The following SULT6B1 variants were observed in gnomAD, a reference collection of about 807,000 sequenced individuals.
The protein encoded by SULT6B1 is sulfotransferase 6B1.
Under a neutral mutation model 37.2 loss-of-function variants are expected in SULT6B1, and 44 were observed. The observed-to-expected ratio is 1.18, with a 90% confidence interval of 0.93 to 1.52. SULT6B1 has a LOEUF of 1.52. SULT6B1 is among the 40% of genes most tolerant of loss of function. The probability of loss-of-function intolerance (pLI) is 0.00; values close to 1 mark genes in which losing one functional copy is unlikely to be tolerated. For synonymous variants in SULT6B1, 140 were observed against 126.0 expected (o/e 1.11, Z -0.74); for missense variants, 450 against 361.0 (o/e 1.25, Z -2.00).
chr2:37,179,893 T>C (rs2111629), intron 3 of SULT6B1, among the ~76,000 whole-genome samples: 3,526 of 152,262 alleles, frequency 0.023, 64 homozygotes, highest in Middle Eastern at 0.054. Flanking sequence ...CACAAGAGTA[T>C]GACCTGAAAG....
At chr2:37,181,196 C>G (rs2148293541) in intron 3 of SULT6B1, among the ~76,000 whole-genome samples, 1 of 152,270 alleles carries the variant, frequency 6.6e-6, no homozygotes, top group African/African-American at 2.4e-5. Context: ...CTTCCCTCCC[C>G]CTAGTCCAAA....
At chr2:37,182,174 A>G (rs1372551176) in intron 3 of SULT6B1, among the ~76,000 whole-genome samples, 1 of 151,912 alleles carries the variant, frequency 6.6e-6, no homozygotes, top group Admixed American at 6.6e-5. Context: ...AGTCATCTTA[A>G]CAGTTTTCCT....
In SULT6B1 at chr2:37,188,434, T is replaced by C. The variant is rs748804390; in HGVS notation, c.199+8A>G. 4 of 1,611,448 alleles carry C rather than the reference T, an allele frequency of 2.5e-6. No individual in the cohort carries two copies. In the Admixed American group the frequency reaches 5.0e-5, roughly 20 times the overall value. ...AAGTGTACTTGTAGGAAACGACTTG[T>C]CATTTACCGCACTTTGGATAAGATG... On this transcript the variant is annotated splice_region_variant and intron_variant, in intron 1 of 6. Coordinates refer to ENST00000535679, the MANE Select transcript of SULT6B1 (RefSeq NM_001367551.1).
chr2:37,190,681 C>A (rs1676763464), upstream of SULT6B1, among the ~76,000 whole-genome samples: 1 of 152,102 alleles, frequency 6.6e-6, no homozygotes, highest in Non-Finnish European at 1.5e-5. Flanking sequence ...TTCTAAAGTA[C>A]CACCTTAAAT....
intron 3 of SULT6B1, among the ~76,000 whole-genome samples, chr2:37,180,399 A>C (rs1323644769): frequency 3.3e-5 from 5 of 152,252 alleles, no homozygotes; most frequent in Admixed American, 3.3e-4. Context: ...GAATTGACTA[A>C]AAACAAGATT....
chr2:37,179,614 TG>T (rs1349733030), intron 3 of SULT6B1, 30 bp from the exon 4 acceptor site: 2 of 1,603,888 alleles, frequency 1.2e-6, no homozygotes, highest in Non-Finnish European at 1.7e-6. Flanking sequence ...TTAATTTATT[TG>T]GGTCTATGTT....
chr2:37,187,891 C>G (rs1045665015), intron 1 of SULT6B1, among the ~76,000 whole-genome samples: 17 of 152,026 alleles, frequency 1.1e-4, no homozygotes, highest in African/African-American at 4.1e-4. Flanking sequence ...ATGAGGTTGG[C>G]TTTAGTAAAC....
chr2:37,181,850 G>T (rs562206945), intron 3 of SULT6B1, among the ~76,000 whole-genome samples: 9 of 152,252 alleles, frequency 5.9e-5, no homozygotes, highest in Non-Finnish European at 8.8e-5. Flanking sequence ...GTGTTAAAAT[G>T]GTATTTCAGA....
At chr2:37,181,673 C>T (rs1366964608) in intron 3 of SULT6B1, among the ~76,000 whole-genome samples, 1 of 152,140 alleles carries the variant, frequency 6.6e-6, no homozygotes, top group Non-Finnish European at 1.5e-5. Context: ...TGAGCCACTG[C>T]ATCCAGCCCC....
chr2:37,183,914 G>T (rs191489110), intron 2 of SULT6B1, among the ~76,000 whole-genome samples: 20 of 152,260 alleles, frequency 1.3e-4, no homozygotes, highest in African/African-American at 3.9e-4. Flanking sequence ...AAAGTGCTGC[G>T]ATTACAGGCG....
intron 2 of SULT6B1, among the ~76,000 whole-genome samples, chr2:37,184,942 T>C (rs1229574684): frequency 1.3e-5 from 2 of 152,168 alleles, no homozygotes; most frequent in East Asian, 3.8e-4. Flanking sequence ...ATCCAAGCGG[T>C]GACTAGCAGT....
Position 37,187,347 on chromosome 2 carries a change from G to T in SULT6B1, c.312+8C>A. On this transcript the variant is annotated splice_region_variant and intron_variant, in intron 2 of 6. Transcript: ENST00000535679. Reference sequence around the variant, plus strand: ...TTTGCTGTAAGGTTAAAGGCTGGTTGTACTAACCTGATATTTTTCTGAATC... The same window carrying T: ...TTTGCTGTAAGGTTAAAGGCTGGTTTTACTAACCTGATATTTTTCTGAATC... 3 of 1,524,714 alleles carry T rather than the reference G, an allele frequency of 2.0e-6. No individual in the cohort carries two copies. Among genetic ancestry groups the T allele is most frequent in the Non-Finnish European group, 2.7e-6 (3 of 1,101,516 alleles). 94.4% of individuals were successfully genotyped at this position (1,524,714 alleles called of 1,614,324 possible).
upstream of SULT6B1, among the ~76,000 whole-genome samples, chr2:37,191,468 C>A (rs1676777310): frequency 6.6e-6 from 1 of 152,116 alleles, no homozygotes. Context: ...CCCAGCCTGG[C>A]TGCTGCTTTC....
At chr2:37,186,937 T>C (rs903451198) in intron 2 of SULT6B1, among the ~76,000 whole-genome samples, 1 of 152,198 alleles carries the variant, frequency 6.6e-6, no homozygotes, top group Non-Finnish European at 1.5e-5. Context: ...TGGTGATTCC[T>C]ACTACCATCC....
intron 5 of SULT6B1, among the ~76,000 whole-genome samples, chr2:37,174,931 A>C (rs1040587761): frequency 1.3e-5 from 2 of 152,228 alleles, no homozygotes; most frequent in African/African-American, 4.8e-5. Context: ...TAAGTTGCTA[A>C]GCGTTATTTT....
intron 2 of SULT6B1, 95 bp from the exon 3 acceptor site, chr2:37,183,609 T>A: frequency 2.3e-6 from 2 of 882,246 alleles, no homozygotes; most frequent in Non-Finnish European, 3.7e-6. Flanking sequence ...AAGTGATAGT[T>A]TCTAGCACTA....
chr2:37,182,586 C>T (rs1391276391), intron 3 of SULT6B1, among the ~76,000 whole-genome samples: 1 of 152,110 alleles, frequency 6.6e-6, no homozygotes, highest in Admixed American at 6.6e-5. Flanking sequence ...ACCTCGGCCT[C>T]TCAAAGTGCT....
At chr2:37,190,891 T>A (rs1378288073), upstream of SULT6B1, among the ~76,000 whole-genome samples, 1 of 152,094 alleles carries the variant, frequency 6.6e-6, no homozygotes, top group Non-Finnish European at 1.5e-5. Context: ...ACAAGGATTC[T>A]GTAGTTGGGG....
chr2:37,171,348 A>G, intron 6 of SULT6B1, 86 bp downstream of exon 6: 1 of 1,490,242 alleles, frequency 6.7e-7, no homozygotes, highest in Admixed American at 2.1e-5. Flanking sequence ...ACCCTATCTG[A>G]CTTAAGATGA....
Sources: gnomAD v4.1 joint callset for allele counts (sites outside exome capture counted in the v4.1 genomes callset) on GRCh38, gnomAD v4.1.1 for gene constraint, MANE v1.5 for transcripts, NCBI Gene and HGNC (gene_info 2026-07-23, HGNC 2026-07-21) for gene names.